PURB: variants seen among roughly 807,000 people sequenced by gnomAD.
PURB encodes the protein transcriptional regulator protein Pur-beta.
Under a neutral mutation model 21.1 loss-of-function variants are expected in PURB, and 11 were observed. That is an observed-to-expected ratio of 0.52 (90% confidence interval 0.33 to 0.86). PURB has a LOEUF of 0.86. Among genes scored for constraint, PURB ranks in the 40% least tolerant of loss-of-function variants. The probability of loss-of-function intolerance (pLI) is 0.02; values close to 1 mark genes in which losing one functional copy is unlikely to be tolerated. For missense variants in PURB, 357 were observed against 456.5 expected (o/e 0.78, Z 1.99); for synonymous variants, 246 against 210.8 (o/e 1.17, Z -1.45).
At position 44,878,075 on chromosome 7, in the gene PURB, T is replaced by C. The variant is rs1706198587; in HGVS notation, c.*6335A>G. 1 of 152,222 alleles carries C rather than the reference T, an allele frequency of 6.6e-6. No homozygotes were observed. 9.4% of individuals were successfully genotyped at this position (152,222 alleles called of 1,614,324 possible). A position where few individuals can be genotyped will look rare whatever the true frequency, so the allele number is the denominator to read the frequency against. ...ATAAAGATTCTTCCAACCAGCCTGA[T>C]CTTGCAACTCAGAGTTAAGACTGGG... On this transcript the variant is annotated 3_prime_UTR_variant, in exon 1 of 1. Transcript: ENST00000395699.
rs1202847884 is a variant in PURB, at chr7:44,877,304, C to CTA, written c.*7104_*7105dup. On this transcript the variant is annotated 3_prime_UTR_variant, in exon 1 of 1. Transcript: ENST00000395699. ...GGAGGCCCAAAATAATAAATCCCTA[C>CTA]TATAATTGTTTTAGAACTTCAAAAA... 2.0e-5 allele frequency: 3 copies of CTA among 152,298 alleles called. No homozygotes were observed. Among genetic ancestry groups the CTA allele is most frequent in the Middle Eastern group, 6.8e-3 (2 of 294 alleles). 9.4% of individuals were successfully genotyped at this position (152,298 alleles called of 1,614,324 possible).
At position 44,885,325 on chromosome 7, in the gene PURB, G is replaced by C; in HGVS notation, c.24C>G (p.Ser8Arg). Residue 8 changes from serine to arginine, a missense_variant, in exon 1 of 1, where the codon AGC (serine) becomes AGG (arginine). Physicochemically the swap from Ser to Arg is moderately radical, Grantham distance 110. Transcript: ENST00000395699. MADGDSG[S>R]ERGGGGGPCG... The stretch of plus-strand genomic sequence containing the variant: ...ACGGCCCACCGCCGCCGCCGCGCTC[G>C]CTGCCGCTGTCGCCGTCCGCCATCT... 3 of 1,309,328 alleles carry C rather than the reference G, an allele frequency of 2.3e-6. No homozygotes were observed. Among genetic ancestry groups the C allele is most frequent in the Non-Finnish European group, 2.9e-6 (3 of 1,034,630 alleles). The allele number at this position is 1,309,328 out of a possible 1,614,324, so 81.1% of individuals were successfully genotyped here. A position where few individuals can be genotyped will look rare whatever the true frequency, so the allele number is the denominator to read the frequency against.
Position 44,884,505 on chromosome 7 carries a change from T to G in PURB, c.844A>C (p.Ile282Leu), listed in dbSNP as rs756807853. 8 of 1,614,074 alleles carry G rather than the reference T, an allele frequency of 5.0e-6. No homozygotes were observed. In the South Asian group the frequency reaches 7.7e-5, roughly 16 times the overall value. Reference protein sequence around the residue: ...FCRYADEMKEIQERQRDKLYE... With the variant: ...FCRYADEMKELQERQRDKLYE... ...AGCTTATCCCTCTGTCGTTCCTGGA[T>G]TTCTTTCATCTCATCCGCATACCGG... Residue 282 changes from isoleucine to leucine, a missense_variant, in exon 1 of 1, where the codon ATC (isoleucine) becomes CTC (leucine). Physicochemically the swap from Ile to Leu is conservative, Grantham distance 5. Transcript: ENST00000395699.
chr7:44,878,517 G>A lies in PURB; in HGVS notation c.*5893C>T, dbSNP rs770337122. The stretch of plus-strand genomic sequence containing the variant: ...GAGCAGTGAAACTACCAATATGGCA[G>A]TTGCTATTCTATTGTTTTAACATGA... On this transcript the variant is annotated 3_prime_UTR_variant, in exon 1 of 1. Transcript: ENST00000395699. 5 of 152,482 alleles carry A rather than the reference G, an allele frequency of 3.3e-5. No individual in the cohort carries two copies. Among genetic ancestry groups the A allele is most frequent in the Admixed American group, 6.5e-5 (1 of 15,274 alleles). 9.4% of individuals were successfully genotyped at this position (152,482 alleles called of 1,614,324 possible). A position where few individuals can be genotyped will look rare whatever the true frequency, so the allele number is the denominator to read the frequency against.
chr7:44,884,724 C>A lies in PURB; in HGVS notation c.625G>T (p.Gly209Trp), dbSNP rs766116038. Residue 209 changes from glycine to tryptophan, a missense_variant, in exon 1 of 1, where the codon GGG becomes TGG. Physicochemically the swap from Gly to Trp is radical, Grantham distance 184. Transcript: ENST00000395699. ...ELAGGPGGGA[G>W]GPGGGLYGEL... The stretch of plus-strand genomic sequence containing the variant: ...CCATACAGGCCGCCCCCTGGGCCCC[C>A]GGCGCCGCCTCCCGGGCCGCCTGCC... The A allele has an allele frequency of 1.9e-6, 3 of 1,612,660 alleles. No homozygotes were observed. Among genetic ancestry groups the A allele is most frequent in the Non-Finnish European group, 2.5e-6 (3 of 1,179,724 alleles).
chr7:44,882,922 A>C lies in PURB; in HGVS notation c.*1488T>G, dbSNP rs376528233. The C allele has an allele frequency of 6.6e-5, 10 of 152,264 alleles. No homozygotes were observed. Among genetic ancestry groups the C allele is most frequent in the Non-Finnish European group, 1.5e-4 (10 of 68,046 alleles). The allele number at this position is 152,264 out of a possible 1,614,324, so 9.4% of individuals were successfully genotyped here. A position where few individuals can be genotyped will look rare whatever the true frequency, so the allele number is the denominator to read the frequency against. On this transcript the variant is annotated 3_prime_UTR_variant, in exon 1 of 1. Transcript: ENST00000395699. Reference sequence around the variant, plus strand: ...TTTCTACTGAAAATCCATTTAAAATATAGAAGAGGCGATCCTTGAAAACCC... The same window carrying C: ...TTTCTACTGAAAATCCATTTAAAATCTAGAAGAGGCGATCCTTGAAAACCC...
rs1024543806 is a variant in PURB at position 44,877,054 on chromosome 7, C to T, written c.*7356G>A. The T allele has an allele frequency of 1.3e-5, 2 of 152,688 alleles. No individual in the cohort carries two copies. The highest frequency in any genetic ancestry group is 1.3e-4 in the Admixed American group (2 of 15,302). 9.5% of individuals were successfully genotyped at this position (152,688 alleles called of 1,614,324 possible). A position where few individuals can be genotyped will look rare whatever the true frequency, so the allele number is the denominator to read the frequency against. On this transcript the variant is annotated 3_prime_UTR_variant, in exon 1 of 1. Transcript: ENST00000395699. ...CTAAACTCTAATTGTACATCTAGATCAGGAAGCTGTCTCCTGCTATCAAGA... is the reference window on the plus strand; with the variant it reads ...CTAAACTCTAATTGTACATCTAGATTAGGAAGCTGTCTCCTGCTATCAAGA...
At position 44,884,250 on chromosome 7, in the gene PURB, C is replaced by T; in HGVS notation, c.*160G>A. 2 of 1,415,002 alleles carry T rather than the reference C, an allele frequency of 1.4e-6. No homozygotes were observed. Among genetic ancestry groups the T allele is most frequent in the East Asian group, 2.5e-5 (1 of 40,006 alleles). The allele number at this position is 1,415,002 out of a possible 1,614,324, so 87.7% of individuals were successfully genotyped here. A position where few individuals can be genotyped will look rare whatever the true frequency, so the allele number is the denominator to read the frequency against. Reference sequence around the variant, plus strand: ...TTTTCTCAAGTTGTCCGTCACTGTTCTCTTACGATTATTTCTCTTAACTGT... The same window carrying T: ...TTTTCTCAAGTTGTCCGTCACTGTTTTCTTACGATTATTTCTCTTAACTGT... On this transcript the variant is annotated 3_prime_UTR_variant, in exon 1 of 1. Coordinates refer to ENST00000395699, the MANE Select transcript of PURB (RefSeq NM_033224.5).
At position 44,881,820 on chromosome 7, in the gene PURB, T is replaced by C. The variant is rs913228803; in HGVS notation, c.*2590A>G. 1.9e-5 allele frequency: 3 copies of C among 154,768 alleles called. No individual in the cohort carries two copies. The highest frequency in any genetic ancestry group is 4.8e-5 in the African/African-American group (2 of 41,534). The allele number at this position is 154,768 out of a possible 1,614,324, so 9.6% of individuals were successfully genotyped here. ...CACATTCTTTCTATTCAGCTAATTATAGCTTAGTAGCCACTGGTGAAGGAT... is the reference window on the plus strand; with the variant it reads ...CACATTCTTTCTATTCAGCTAATTACAGCTTAGTAGCCACTGGTGAAGGAT... On this transcript the variant is annotated 3_prime_UTR_variant, in exon 1 of 1. Transcript: ENST00000395699.
rs1554340040 is a variant in PURB at position 44,885,482 on chromosome 7, G to GCCA, written c.-135_-134insTGG. On this transcript the variant is annotated 5_prime_UTR_variant, in exon 1 of 1. Transcript: ENST00000395699. ...CCGCCGCTCATCGCCGGCCGCCGCC[G>GCCA]CCCCCCCATCGCCTCCGCGCCCCGC... 1.5e-5 allele frequency: 3 copies of GCCA among 194,852 alleles called. No individual in the cohort carries two copies. Among genetic ancestry groups the GCCA allele is most frequent in the African/African-American group, 7.2e-5 (3 of 41,778 alleles). The allele number at this position is 194,852 out of a possible 1,614,324, so 12.1% of individuals were successfully genotyped here.
chr7:44,882,312 C>G lies in PURB; in HGVS notation c.*2098G>C, dbSNP rs937133780. ...AAGTATACGGATGTCATTAAAACAT[C>G]AAAAATACTATTGCTCCCATACAAT... On this transcript the variant is annotated 3_prime_UTR_variant, in exon 1 of 1. Coordinates refer to ENST00000395699, the MANE Select transcript of PURB (RefSeq NM_033224.5). The G allele has an allele frequency of 5.9e-5, 9 of 152,544 alleles. No individual in the cohort carries two copies. Among genetic ancestry groups the G allele is most frequent in the African/African-American group, 9.7e-5 (4 of 41,414 alleles). The allele number at this position is 152,544 out of a possible 1,614,324, so 9.4% of individuals were successfully genotyped here.
chr7:44,885,491 T>A lies in PURB; in HGVS notation c.-143A>T, dbSNP rs960969182. ...ATCGCCGGCCGCCGCCGCCCCCCCA[T>A]CGCCTCCGCGCCCCGCCCCCGCGAC... On this transcript the variant is annotated 5_prime_UTR_variant, in exon 1 of 1. The change abolishes an upstream ATG in the 5' untranslated region. Transcript: ENST00000395699. 16 of 172,660 alleles carry A rather than the reference T, an allele frequency of 9.3e-5. No homozygotes were observed. Among genetic ancestry groups the A allele is most frequent in the Non-Finnish European group, 1.4e-4 (12 of 88,036 alleles). The allele number at this position is 172,660 out of a possible 1,614,324, so 10.7% of individuals were successfully genotyped here. A position where few individuals can be genotyped will look rare whatever the true frequency, so the allele number is the denominator to read the frequency against.
rs1479651272 is a variant in PURB, at chr7:44,884,971, A to C, written c.378T>G (p.Arg126=). ...GGTCCAGGTAGTACTTGCGGTTCTC[A>C]CGCACCAAGAATTCGCTCTTGAGCG... The part of the protein sequence containing the change: ...RRALKSEFLV[R]ENRKYYLDLK... The change falls in exon 1 of 1, where the codon CGT becomes CGG. Residue 126 remains arginine (R), a synonymous_variant. Transcript: ENST00000395699. 1 of 1,569,130 alleles carries C rather than the reference A, an allele frequency of 6.4e-7. No individual in the cohort carries two copies. Among genetic ancestry groups the C allele is most frequent in the Non-Finnish European group, 8.6e-7 (1 of 1,160,500 alleles).
chr7:44,884,194 G>A lies in PURB; in HGVS notation c.*216C>T. The A allele has an allele frequency of 8.9e-7, 1 of 1,120,592 alleles. No homozygotes were observed. The highest frequency in any genetic ancestry group is 1.2e-6 in the Non-Finnish European group (1 of 817,818). The allele number at this position is 1,120,592 out of a possible 1,614,324, so 69.4% of individuals were successfully genotyped here. On this transcript the variant is annotated 3_prime_UTR_variant, in exon 1 of 1. Transcript: ENST00000395699. ...AGGAGATGCTGTTTTCCTCTTTGCAGGTTGCTGTCAGTTCCTTGGAACTTG... is the reference window on the plus strand; with the variant it reads ...AGGAGATGCTGTTTTCCTCTTTGCAAGTTGCTGTCAGTTCCTTGGAACTTG...
chr7:44,876,847 T>G lies in PURB; in HGVS notation c.*7563A>C, dbSNP rs763309876. On this transcript the variant is annotated 3_prime_UTR_variant, in exon 1 of 1. Transcript: ENST00000395699. ...ATTTTAGTGTTTTATTTACAGACAT[T>G]TATAGGGTTACAGGTGGAGGGGACC... The G allele has an allele frequency of 1.3e-5, 2 of 152,600 alleles. No individual in the cohort carries two copies. The highest frequency in any genetic ancestry group is 1.3e-4 in the Admixed American group (2 of 15,270). 9.5% of individuals were successfully genotyped at this position (152,600 alleles called of 1,614,324 possible). A position where few individuals can be genotyped will look rare whatever the true frequency, so the allele number is the denominator to read the frequency against.
In PURB at chr7:44,885,005, G is replaced by GGCCCGCCGCCCTCCTCGGC; in HGVS notation, c.325_343dup (p.Pro115ArgfsTer19). 1.3e-6 allele frequency: 2 copies of GGCCCGCCGCCCTCCTCGGC among 1,543,832 alleles called. No homozygotes were observed. Among genetic ancestry groups the GGCCCGCCGCCCTCCTCGGC allele is most frequent in the Non-Finnish European group, 1.7e-6 (2 of 1,147,116 alleles). On this transcript the variant is annotated frameshift_variant, in exon 1 of 1. Coordinates refer to ENST00000395699, the MANE Select transcript of PURB (RefSeq NM_033224.5). LOFTEE classifies it high-confidence loss of function. ...GAATTCGCTCTTGAGCGCGCGCCGC[G>GGCCCGCCGCCCTCCTCGGC]GCCCGCCGCCCTCCTCGGCGCCAGC...
Position 44,884,245 on chromosome 7 carries a change from C to A in PURB, c.*165G>T. On this transcript the variant is annotated 3_prime_UTR_variant, in exon 1 of 1. Coordinates refer to ENST00000395699, the MANE Select transcript of PURB (RefSeq NM_033224.5). ...ACTGCTTTTCTCAAGTTGTCCGTCA[C>A]TGTTCTCTTACGATTATTTCTCTTA... The A allele has an allele frequency of 7.1e-7, 1 of 1,405,704 alleles. No homozygotes were observed. The highest frequency in any genetic ancestry group is 9.3e-7 in the Non-Finnish European group (1 of 1,072,276). 87.1% of individuals were successfully genotyped at this position (1,405,704 alleles called of 1,614,324 possible).
In PURB at chr7:44,884,416, C is replaced by G. The variant is rs1793924723; in HGVS notation, c.933G>C (p.Glu311Asp). 1.2e-6 allele frequency: 2 copies of G among 1,612,648 alleles called. No individual in the cohort carries two copies. Among genetic ancestry groups the G allele is most frequent in the Non-Finnish European group, 1.7e-6 (2 of 1,179,806 alleles). ...GTAGGGGAAGCTGCCCGTTTCAATC[C>G]TCATCCACCTCCTCACCCTCTGACT... is the stretch of plus-strand genomic sequence containing the variant. ...GEESEGEEVD[E>D]D is the part of the protein sequence containing the mutation. Residue 311 changes from glutamate to aspartate, a missense_variant, in exon 1 of 1, where the codon GAG (glutamate) becomes GAC (aspartate). Physicochemically the swap from Glu to Asp is conservative, Grantham distance 45. Coordinates refer to ENST00000395699, the MANE Select transcript of PURB (RefSeq NM_033224.5).
In PURB at chr7:44,881,884, G is replaced by C. The variant is rs1793880961; in HGVS notation, c.*2526C>G. ...TCATTTCTACAGAATAGAAAGGCAA[G>C]GCTAGTTACTGCAATTCAGCCAAAC... On this transcript the variant is annotated 3_prime_UTR_variant, in exon 1 of 1. Coordinates refer to ENST00000395699, the MANE Select transcript of PURB (RefSeq NM_033224.5). The C allele has an allele frequency of 6.5e-6, 1 of 154,678 alleles. No homozygotes were observed. The highest frequency in any genetic ancestry group is 1.5e-5 in the Non-Finnish European group (1 of 68,206). The allele number at this position is 154,678 out of a possible 1,614,324, so 9.6% of individuals were successfully genotyped here.
Sources: gnomAD v4.1 joint callset for allele counts on GRCh38, gnomAD v4.1.1 for gene constraint, MANE v1.5 for transcripts, NCBI Gene and HGNC (gene_info 2026-07-23, HGNC 2026-07-21) for gene names.